The following UBR3 variants were observed in gnomAD, a reference collection of about 807,000 sequenced individuals.
The protein encoded by UBR3 is ubiquitin protein ligase E3 component n-recognin 3.
In UBR3, 85 loss-of-function variants were observed where a neutral mutation model predicts 243.2. That is an observed-to-expected ratio of 0.35 (90% confidence interval 0.29 to 0.42). The LOEUF (loss-of-function observed/expected upper bound fraction) is 0.42, where lower values mean the gene tolerates loss of function less well. UBR3 is among the 10% of genes least tolerant of loss of function. UBR3 has a pLI of 1.00. For synonymous variants in UBR3, 748 were observed against 799.8 expected (o/e 0.94, Z 1.09); for missense variants, 1,686 against 2,300.8 (o/e 0.73, Z 5.47).
intron 1 of UBR3, among the ~76,000 whole-genome samples, chr2:169,857,076 T>TTTTG (rs2082909161): frequency 4.5e-5 from 3 of 66,652 alleles, no homozygotes; most frequent in Admixed American, 1.4e-4. Flanking sequence ...TTTTTTTTTT[T>TTTTG]TTTTTTTTTT....
At chr2:169,986,959 T>C (rs2061620) in intron 25 of UBR3, among the ~76,000 whole-genome samples, 165 bp downstream of exon 25, 148,819 of 152,324 alleles carry the variant, frequency 0.98, 72,786 homozygotes, top group East Asian at 1. Flanking sequence ...TTATATCTTA[T>C]TTTCCTGGAC....
intron 30 of UBR3, among the ~76,000 whole-genome samples, chr2:170,026,474 G>T (rs1433156701): frequency 6.6e-6 from 1 of 152,010 alleles, no homozygotes; most frequent in Non-Finnish European, 1.5e-5. Flanking sequence ...AGACCAGAAA[G>T]ATGACATTAT....
chr2:169,970,238 T>G (rs2088051735), intron 24 of UBR3, among the ~76,000 whole-genome samples: 1 of 146,122 alleles, frequency 6.8e-6, no homozygotes, highest in Admixed American at 6.7e-5. Context: ...TTCCTAGGTT[T>G]TTTTTTTTTT....
intron 31 of UBR3, among the ~76,000 whole-genome samples, chr2:170,033,351 C>G (rs1157642834): frequency 2.0e-5 from 3 of 151,908 alleles, no homozygotes; most frequent in Non-Finnish European, 1.5e-5. Flanking sequence ...AATAATAACT[C>G]TATGTACTAG....
chr2:169,973,984 G>T (rs897541651), intron 24 of UBR3, among the ~76,000 whole-genome samples: 1 of 152,170 alleles, frequency 6.6e-6, no homozygotes, highest in African/African-American at 2.4e-5. Context: ...GTGTTGCTGT[G>T]ATGTATCACG....
At chr2:170,004,845 A>T (rs1268064962) in intron 27 of UBR3, among the ~76,000 whole-genome samples, 1 of 152,034 alleles carries the variant, frequency 6.6e-6, no homozygotes. Context: ...CGGGAGGTGG[A>T]GGTTGCAGTG....
intron 1 of UBR3, among the ~76,000 whole-genome samples, chr2:169,836,045 A>G (rs13398066): frequency 1.1e-4 from 1 of 9,004 alleles, no homozygotes; most frequent in Non-Finnish European, 2.3e-4. Context: ...CTCTCTCTCT[A>G]TATATATATA....
chr2:169,926,369 C>G (rs546043774), intron 14 of UBR3, among the ~76,000 whole-genome samples: 1 of 152,200 alleles, frequency 6.6e-6, no homozygotes, highest in African/African-American at 2.4e-5. Context: ...AGGCAGATCA[C>G]TTGAGGCCAG....
chr2:169,939,628 A>T (rs1026511859), intron 19 of UBR3, among the ~76,000 whole-genome samples: 1 of 150,110 alleles, frequency 6.7e-6, no homozygotes, highest in African/African-American at 2.5e-5. Flanking sequence ...TAGTGGTGCA[A>T]TCTTGGCTCA....
intron 1 of UBR3, among the ~76,000 whole-genome samples, chr2:169,866,705 T>G (rs1379165152): frequency 1.3e-5 from 2 of 152,190 alleles, no homozygotes; most frequent in African/African-American, 2.4e-5. Flanking sequence ...AAATCAAGGT[T>G]TAAACCTTAA....
At chr2:169,876,084 CTTTT>C (rs547614070) in intron 3 of UBR3, 135 bp downstream of exon 3, 955 of 416,846 alleles carry the variant, frequency 2.3e-3, no homozygotes, top group South Asian at 2.8e-3. Context: ...AAGAGAACTT[CTTTT>C]TTTTTTTTTT....
intron 11 of UBR3, 117 bp downstream of exon 11, chr2:169,914,263 A>T (rs2085365566): frequency 2.2e-6 from 1 of 456,502 alleles, no homozygotes; most frequent in Non-Finnish European, 3.6e-6. Context: ...CGAGGGAAGG[A>T]AGTAATGAAC....
intron 1 of UBR3, among the ~76,000 whole-genome samples, chr2:169,830,057 A>AT (rs1255821567): frequency 2.2e-4 from 34 of 152,024 alleles, no homozygotes; most frequent in Non-Finnish European, 1.0e-4. Flanking sequence ...TCGTCATTCT[A>AT]TTTTTTTAAA....
At chr2:169,927,488 G>T in intron 17 of UBR3, 83 bp downstream of exon 17, 1 of 1,104,030 alleles carries the variant, frequency 9.1e-7, no homozygotes, top group East Asian at 2.8e-5. Context: ...TCAATTTTTT[G>T]ATTAATTTTT....
chr2:170,011,815 A>G (rs1404079151), intron 29 of UBR3, among the ~76,000 whole-genome samples: 1 of 152,098 alleles, frequency 6.6e-6, no homozygotes, highest in Non-Finnish European at 1.5e-5. Context: ...CAAAATTTTC[A>G]TTTTATTACA....
chr2:169,882,069 A>G (rs1217843286), intron 5 of UBR3, among the ~76,000 whole-genome samples: 1 of 124,780 alleles, frequency 8.0e-6, no homozygotes, highest in African/African-American at 3.2e-5. Context: ...CACATATAAT[A>G]TAATTATATA....
chr2:170,025,530 A>T (rs1276423728), intron 30 of UBR3, among the ~76,000 whole-genome samples: 1 of 152,208 alleles, frequency 6.6e-6, no homozygotes, highest in East Asian at 1.9e-4. Flanking sequence ...AACCTGAAAA[A>T]GAAAATGGAC....
At chr2:170,070,955 C>T (rs1294836239) in intron 35 of UBR3, among the ~76,000 whole-genome samples, 1 of 152,004 alleles carries the variant, frequency 6.6e-6, no homozygotes, top group East Asian at 1.9e-4. Context: ...CAAAAGTGGG[C>T]AAAACACTTG....
chr2:169,869,826 T>C (rs1441225024), intron 1 of UBR3, among the ~76,000 whole-genome samples: 2 of 152,240 alleles, frequency 1.3e-5, no homozygotes, highest in Non-Finnish European at 2.9e-5. Context: ...TTTTGTGAAT[T>C]GTTCATGACC....
Sources: allele counts gnomAD v4.1 joint callset (sites outside exome capture counted in the v4.1 genomes callset), GRCh38; gene constraint gnomAD v4.1.1; transcripts MANE v1.5; gene names NCBI Gene and HGNC (gene_info 2026-07-23, HGNC 2026-07-21).